Variants in PSMD9 observed in about 807,000 individuals in gnomAD.
PSMD9 encodes the protein proteasome 26S subunit, non-ATPase 9.
PSMD9 carries 26 observed loss-of-function variants against 25.9 expected under a neutral mutation model. That is an observed-to-expected ratio of 1.00 (90% CI 0.73 to 1.39). PSMD9 has a LOEUF of 1.39. PSMD9 is among the 40% of genes most tolerant of loss of function. PSMD9 has a pLI of 0.00. For synonymous variants in PSMD9, 110 were observed against 114.5 expected (o/e 0.96, Z 0.25); for missense variants, 303 against 299.3 (o/e 1.01, Z -0.09).
intron 4 of PSMD9, among the ~76,000 whole-genome samples, chr12:121,904,377 A>G (rs2135726465): frequency 6.7e-6 from 1 of 149,352 alleles, no homozygotes; most frequent in East Asian, 2.0e-4. Context: ...GTTGGAGACC[A>G]TCCTGGCTAA....
intron 2 of PSMD9, among the ~76,000 whole-genome samples, chr12:121,895,989 A>G (rs1000732438): frequency 1.3e-5 from 2 of 152,204 alleles, no homozygotes; most frequent in African/African-American, 4.8e-5. Flanking sequence ...TCTTGATTCC[A>G]TCTGCATCAC....
At chr12:121,904,170 G>A (rs1773509995) in intron 4 of PSMD9, among the ~76,000 whole-genome samples, 1 of 151,744 alleles carries the variant, frequency 6.6e-6, no homozygotes. Flanking sequence ...CATCAAATCT[G>A]TAACTTGTAT....
chr12:121,903,703 C>T (rs1336139702), intron 4 of PSMD9, among the ~76,000 whole-genome samples: 2 of 151,912 alleles, frequency 1.3e-5, no homozygotes, highest in Non-Finnish European at 2.9e-5. Flanking sequence ...TTCCCCTCTC[C>T]TCTGCCCTGT....
chr12:121,897,785 C>T (rs1039753306), intron 2 of PSMD9: 2 of 152,230 alleles, frequency 1.3e-5, no homozygotes, highest in South Asian at 2.1e-4. Flanking sequence ...GCCTCGGCCT[C>T]GCAAAGTGCT....
intron 3 of PSMD9, chr12:121,902,261 TGG>T: frequency 6.6e-6 from 1 of 151,988 alleles, no homozygotes; most frequent in African/African-American, 2.4e-5. Context: ...TCCTGCCAGG[TGG>T]AATGGGGTCC....
In PSMD9 at chr12:121,915,883, AG is replaced by A. The variant is rs765798193; in HGVS notation, c.589del (p.Glu197LysfsTer47). 9 of 1,613,628 alleles carry A rather than the reference AG, an allele frequency of 5.6e-6. No homozygotes were observed. The highest frequency in any genetic ancestry group is 7.6e-6 in the Non-Finnish European group (9 of 1,179,846). ...GKPLNVTVIR[R>X]GEKHQLRLVP... ...GCCCCTGAATGTGACAGTGATCCGC[AG>A]GGGGGAAAAACACCAGCTTAGACTT... On this transcript the variant is annotated frameshift_variant, in exon 5 of 6. Transcript: ENST00000541212. LOFTEE classifies it high-confidence loss of function.
At chr12:121,895,903 C>T (rs773151319) in intron 2 of PSMD9, among the ~76,000 whole-genome samples, 17 of 152,200 alleles carry the variant, frequency 1.1e-4, no homozygotes, top group Non-Finnish European at 1.2e-4. Flanking sequence ...GGTAGGCAAC[C>T]GTCTCCACCA....
rs904770218 is a variant in PSMD9 at position 121,916,756 on chromosome 12, A to T, written c.*445A>T. 2 of 170,858 alleles carry T rather than the reference A, an allele frequency of 1.2e-5. No individual in the cohort carries two copies. The highest frequency in any genetic ancestry group is 4.8e-5 in the African/African-American group (2 of 41,972). The allele number at this position is 170,858 out of a possible 1,614,324, so 10.6% of individuals were successfully genotyped here. On this transcript the variant is annotated 3_prime_UTR_variant, in exon 6 of 6. Coordinates refer to ENST00000541212, the MANE Select transcript of PSMD9 (RefSeq NM_002813.7). ...AAAACAGGCTAGCAATTGCAAAGTCAGGCTTTGACCAACATATTTCTTTGC... is the reference window on the plus strand; with the variant it reads ...AAAACAGGCTAGCAATTGCAAAGTCTGGCTTTGACCAACATATTTCTTTGC...
intron 1 of PSMD9, among the ~76,000 whole-genome samples, chr12:121,890,432 A>G (rs1364108091): frequency 6.6e-6 from 1 of 152,130 alleles, no homozygotes; most frequent in Non-Finnish European, 1.5e-5. Context: ...TTTTATTTAA[A>G]TAGATCTACT....
intron 1 of PSMD9, among the ~76,000 whole-genome samples, chr12:121,890,129 C>T (rs1417452484): frequency 2.6e-5 from 4 of 152,048 alleles, no homozygotes; most frequent in African/African-American, 7.3e-5. Context: ...GTTGGTCAGG[C>T]CGGTGTTGGA....
In PSMD9 at chr12:121,916,851, G is replaced by A. The variant is rs1879920718; in HGVS notation, c.*540G>A. 6.5e-6 allele frequency: 1 copy of A among 153,986 alleles called. No individual in the cohort carries two copies. The highest frequency in any genetic ancestry group is 1.4e-5 in the Non-Finnish European group (1 of 69,156). The allele number at this position is 153,986 out of a possible 1,614,324, so 9.5% of individuals were successfully genotyped here. ...GCTTCCTCAGCAGCTGGGCTGTCAG[G>A]GCCATAGTAGCTCCCTTTGGAGAAC... On this transcript the variant is annotated 3_prime_UTR_variant, in exon 6 of 6. Transcript: ENST00000541212.
At chr12:121,891,933 C>G (rs1233225959) in intron 1 of PSMD9, among the ~76,000 whole-genome samples, 1 of 142,816 alleles carries the variant, frequency 7.0e-6, no homozygotes, top group African/African-American at 2.6e-5. Flanking sequence ...AAGAAGTGGA[C>G]AGCTAAAACT....
At chr12:121,912,148 TC>T (rs1879744930) in intron 4 of PSMD9, among the ~76,000 whole-genome samples, 1 of 151,904 alleles carries the variant, frequency 6.6e-6, no homozygotes, top group Non-Finnish European at 1.5e-5. Flanking sequence ...CAAGCAATCC[TC>T]CCACCTCAGC....
intron 4 of PSMD9, chr12:121,915,597 A>G (rs911012712): frequency 2.1e-6 from 1 of 471,160 alleles, no homozygotes; most frequent in Non-Finnish European, 3.8e-6. Flanking sequence ...GCAATTGTGT[A>G]CTATGTACCT....
chr12:121,913,493 C>CTTTTTTT (rs771986462), intron 4 of PSMD9, among the ~76,000 whole-genome samples: 4 of 134,834 alleles, frequency 3.0e-5, no homozygotes, highest in Admixed American at 7.5e-5. Context: ...TTTCTTTTTT[C>CTTTTTTT]TTTTTTTTTT....
chr12:121,906,494 AC>A (rs1453339259), intron 4 of PSMD9, among the ~76,000 whole-genome samples: 1 of 151,382 alleles, frequency 6.6e-6, no homozygotes, highest in Non-Finnish European at 1.5e-5. Context: ...ACATGGTGAA[AC>A]CCCATCTCTA....
intron 2 of PSMD9, among the ~76,000 whole-genome samples, chr12:121,895,637 TAC>T (rs1879207805): frequency 6.6e-6 from 1 of 152,196 alleles, no homozygotes; most frequent in African/African-American, 2.4e-5. Flanking sequence ...TTCGTCCATC[TAC>T]ACAGCCAGCA....
At chr12:121,902,111 C>T (rs191236809) in intron 3 of PSMD9, 129 of 152,326 alleles carry the variant, frequency 8.5e-4, no homozygotes, top group African/African-American at 3.1e-3. Flanking sequence ...TTGCTGCGAA[C>T]ATTCTTGTAC....
At chr12:121,889,319 AG>A (rs1003317553) in intron 1 of PSMD9, among the ~76,000 whole-genome samples, 1 of 152,092 alleles carries the variant, frequency 6.6e-6, no homozygotes, top group Non-Finnish European at 1.5e-5. Flanking sequence ...CATTTTAGGG[AG>A]GGGGAAACAG....
Sources: gnomAD v4.1 joint callset for allele counts (sites outside exome capture counted in the v4.1 genomes callset) on GRCh38, gnomAD v4.1.1 for gene constraint, MANE v1.5 for transcripts, NCBI Gene and HGNC (gene_info 2026-07-23, HGNC 2026-07-21) for gene names.